The following PKIB variants were observed in gnomAD, a reference collection of about 807,000 sequenced individuals.
The protein encoded by PKIB is cAMP-dependent protein kinase inhibitor beta.
Under a neutral mutation model 4.5 loss-of-function variants are expected in PKIB, and 2 were observed. That is an observed-to-expected ratio of 0.44 (90% confidence interval 0.18 to 1.39). The LOEUF (loss-of-function observed/expected upper bound fraction) is 1.39. PKIB is among the 40% of genes most tolerant of loss of function. PKIB has a pLI of 0.27. For missense variants in PKIB, 94 were observed against 92.6 expected (o/e 1.02, Z -0.06); for synonymous variants, 38 against 36.0 (o/e 1.06, Z -0.20).
At position 122,616,882 on chromosome 6, in the gene PKIB, G is replaced by A. The variant is rs888767697; in HGVS notation, c.-161+6347G>A. 5.9e-5 allele frequency among the ~76,000 whole-genome samples: 9 copies of A among 152,126 alleles called. No homozygotes were observed. In the East Asian group the frequency reaches 1.7e-3, roughly 29 times the overall value. On this transcript the variant is annotated intron_variant, in intron 1 of 4. Transcript: ENST00000368452. ...TTATTCTCCAATCTGTGAAGTCAGT[G>A]TTACTGCTCTATTTTTTAAGACGAG...
chr6:122,474,534 A>G (rs1009294010), intron 1 of PKIB, among the ~76,000 whole-genome samples: 1 of 152,228 alleles, frequency 6.6e-6, no homozygotes, highest in Non-Finnish European at 1.5e-5. Flanking sequence ...TAAACTTTTG[A>G]TCCATATGTG....
chr6:122,670,658 T>C (rs1367396968), intron 2 of PKIB, among the ~76,000 whole-genome samples: 1 of 152,226 alleles, frequency 6.6e-6, no homozygotes, highest in Non-Finnish European at 1.5e-5. Context: ...TTTATTCATT[T>C]AGTATATGTA....
intron 4 of PKIB, among the ~76,000 whole-genome samples, chr6:122,722,498 T>G (rs1026739822): frequency 6.6e-6 from 1 of 152,174 alleles, no homozygotes; most frequent in African/African-American, 2.4e-5. Context: ...AACTTAGAGA[T>G]AGCAGATATA....
intron 2 of PKIB, among the ~76,000 whole-genome samples, chr6:122,658,601 G>A (rs1485741926): frequency 6.6e-6 from 1 of 151,984 alleles, no homozygotes; most frequent in African/African-American, 2.4e-5. Context: ...CTATGGAAGT[G>A]TAACATAAAC....
At chr6:122,675,412 CT>C (rs2114957511) in intron 3 of PKIB, among the ~76,000 whole-genome samples, 1 of 152,200 alleles carries the variant, frequency 6.6e-6, no homozygotes, top group African/African-American at 2.4e-5. Context: ...TTGATGATGT[CT>C]TTTTCATTAT....
At chr6:122,651,352 T>C (rs1235368439) in intron 2 of PKIB, among the ~76,000 whole-genome samples, 2 of 152,194 alleles carry the variant, frequency 1.3e-5, no homozygotes, top group Non-Finnish European at 2.9e-5. Flanking sequence ...CCTTAATCTT[T>C]AGGGCCTGCT....
intron 3 of PKIB, among the ~76,000 whole-genome samples, chr6:122,710,376 C>G (rs1036945470): frequency 5.3e-5 from 8 of 152,102 alleles, no homozygotes; most frequent in Non-Finnish European, 7.4e-5. Flanking sequence ...ACAAGAACTT[C>G]AAAATCACAT....
At chr6:122,704,734 G>GTA (rs1470872872) in intron 3 of PKIB, among the ~76,000 whole-genome samples, 2 of 151,578 alleles carry the variant, frequency 1.3e-5, no homozygotes, top group African/African-American at 4.9e-5. Context: ...ATAACTGTGT[G>GTA]TGTGTGTGTG....
chr6:122,711,888 T>G (rs1246338358), intron 3 of PKIB, among the ~76,000 whole-genome samples: 1 of 152,170 alleles, frequency 6.6e-6, no homozygotes, highest in Non-Finnish European at 1.5e-5. Flanking sequence ...CAATGTATAT[T>G]GAAGGATCTG....
chr6:122,659,395 T>A (rs1266427333), intron 2 of PKIB, among the ~76,000 whole-genome samples: 1 of 152,202 alleles, frequency 6.6e-6, no homozygotes, highest in Non-Finnish European at 1.5e-5. Flanking sequence ...ATTATGCTTT[T>A]AAAGACATTG....
chr6:122,696,128 T>C (rs540735162), intron 3 of PKIB, among the ~76,000 whole-genome samples: 1 of 152,210 alleles, frequency 6.6e-6, no homozygotes, highest in African/African-American at 2.4e-5. Flanking sequence ...TTTCTGTTTT[T>C]TAAAATCTAA....
At chr6:122,541,128 CTT>C (rs1176214300) in intron 2 of PKIB, among the ~76,000 whole-genome samples, 2 of 151,564 alleles carry the variant, frequency 1.3e-5, no homozygotes, top group East Asian at 1.9e-4. Context: ...GGTCTTGACT[CTT>C]TATCCAATTT....
intron 2 of PKIB, among the ~76,000 whole-genome samples, chr6:122,504,105 A>G (rs1449927203): frequency 2.6e-5 from 4 of 152,102 alleles, no homozygotes; most frequent in African/African-American, 9.7e-5. Context: ...TTCTGGGCCT[A>G]TGTTTGTTGC....
chr6:122,598,666 T>A (rs1774252466), intron 3 of PKIB, among the ~76,000 whole-genome samples: 1 of 152,130 alleles, frequency 6.6e-6, no homozygotes, highest in Non-Finnish European at 1.5e-5. Flanking sequence ...ACTAATCCAC[T>A]CCACCATCCC....
intron 2 of PKIB, among the ~76,000 whole-genome samples, chr6:122,556,935 C>T (rs1190268673): frequency 2.0e-5 from 3 of 152,162 alleles, no homozygotes; most frequent in Non-Finnish European, 2.9e-5. Context: ...CAGGCTCAGC[C>T]GGGCGTGGTG....
intron 2 of PKIB, among the ~76,000 whole-genome samples, chr6:122,652,288 TGGTTTGTG>T (rs1447362560): frequency 1.3e-5 from 1 of 74,760 alleles, no homozygotes; most frequent in African/African-American, 5.2e-5. Flanking sequence ...GCATATATGT[TGGTTTGTG>T]TGTGTGTGTG....
chr6:122,480,219 T>G (rs1004946093), intron 2 of PKIB: 3 of 152,174 alleles, frequency 2.0e-5, no homozygotes, highest in African/African-American at 7.2e-5. Context: ...GTTTTTTGTA[T>G]TTTTAGTAGA....
chr6:122,560,206 G>C (rs141747966), intron 2 of PKIB, among the ~76,000 whole-genome samples: 1 of 152,022 alleles, frequency 6.6e-6, no homozygotes, highest in African/African-American at 2.4e-5. Context: ...ATTACACTAA[G>C]GTATGTCCCT....
chr6:122,476,640 A>G (rs1405926748), intron 1 of PKIB, among the ~76,000 whole-genome samples: 1 of 152,198 alleles, frequency 6.6e-6, no homozygotes, highest in Non-Finnish European at 1.5e-5. Flanking sequence ...TAAATTCAGG[A>G]AAAAAGGAAA....
Sources: allele counts gnomAD v4.1 joint callset (sites outside exome capture counted in the v4.1 genomes callset), GRCh38; gene constraint gnomAD v4.1.1; transcripts MANE v1.5; gene names NCBI Gene and HGNC (gene_info 2026-07-23, HGNC 2026-07-21).